HDAC9: variants seen among roughly 807,000 people sequenced by gnomAD.
HDAC9 encodes the protein MEF-2 interacting transcription repressor (MITR) protein.
In HDAC9, 41 loss-of-function variants were observed where a neutral mutation model predicts 139.4. The observed-to-expected ratio is 0.29, with a 90% CI of 0.23 to 0.38. The LOEUF (loss-of-function observed/expected upper bound fraction) is 0.38, where lower values mean the gene tolerates loss of function less well. HDAC9 is among the 10% of genes least tolerant of loss of function. The pLI, the probability that HDAC9 is intolerant of heterozygous loss-of-function variation, is 1.00. For synonymous variants in HDAC9, 517 were observed against 476.2 expected (o/e 1.09, Z -1.12); for missense variants, 1,147 against 1,297.0 (o/e 0.88, Z 1.78).
intron 23 of HDAC9, among the ~76,000 whole-genome samples, chr7:18,946,037 A>T (rs1198286275): frequency 5.6e-5 from 1 of 17,876 alleles, no homozygotes; most frequent in East Asian, 5.6e-4. Context: ...ACTCCGTCTC[A>T]AAAAAAAAAA....
intron 2 of HDAC9, among the ~76,000 whole-genome samples, chr7:18,564,478 A>G (rs1012396445): frequency 1.1e-4 from 16 of 152,278 alleles, no homozygotes; most frequent in African/African-American, 3.6e-4. Flanking sequence ...GGTTTTATCT[A>G]TTCTATTTGC....
At chr7:18,885,354 C>T (rs1450082503) in intron 22 of HDAC9, among the ~76,000 whole-genome samples, 3 of 152,176 alleles carry the variant, frequency 2.0e-5, no homozygotes, top group African/African-American at 7.2e-5. Context: ...TGAACGTTTT[C>T]CATGCACTAG....
intron 2 of HDAC9, among the ~76,000 whole-genome samples, chr7:18,497,754 G>C (rs560087967): frequency 2.0e-5 from 3 of 152,186 alleles, no homozygotes; most frequent in Non-Finnish European, 4.4e-5. Flanking sequence ...AACTATTTTA[G>C]AAATCTTTTC....
intron 22 of HDAC9, among the ~76,000 whole-genome samples, chr7:18,917,543 T>C (rs1255807986): frequency 6.6e-6 from 1 of 151,820 alleles, no homozygotes; most frequent in Non-Finnish European, 1.5e-5. Flanking sequence ...GGCAGCAGAG[T>C]TCCTCTTGAG....
chr7:18,569,038 A>C (rs1033247398), intron 2 of HDAC9, among the ~76,000 whole-genome samples: 1 of 151,774 alleles, frequency 6.6e-6, no homozygotes, highest in Non-Finnish European at 1.5e-5. Context: ...CAAGAGCAAA[A>C]TTCTGTCTCA....
intron 2 of HDAC9, among the ~76,000 whole-genome samples, chr7:18,211,227 G>T (rs1430609939): frequency 1.3e-5 from 2 of 152,088 alleles, no homozygotes; most frequent in Non-Finnish European, 2.9e-5. Context: ...CCATACCTTT[G>T]GGCTTGTATG....
chr7:18,577,848 T>A (rs1826483060), intron 2 of HDAC9, among the ~76,000 whole-genome samples: 2 of 152,032 alleles, frequency 1.3e-5, no homozygotes, highest in Non-Finnish European at 1.5e-5. Context: ...GTGGTAAAAT[T>A]TGTTGGGGCA....
intron 2 of HDAC9, among the ~76,000 whole-genome samples, chr7:18,238,468 C>G (rs1793971904): frequency 6.6e-6 from 1 of 152,144 alleles, no homozygotes; most frequent in Admixed American, 6.5e-5. Flanking sequence ...GGAGGTTCCT[C>G]CAGTATTTCC....
intron 24 of HDAC9, among the ~76,000 whole-genome samples, chr7:18,954,865 T>C (rs1440379377): frequency 6.6e-6 from 1 of 152,114 alleles, no homozygotes; most frequent in Non-Finnish European, 1.5e-5. Context: ...TACTGTCTTG[T>C]AGAAGCATTT....
chr7:18,942,578 C>T (rs999169947), intron 23 of HDAC9, among the ~76,000 whole-genome samples: 1 of 152,006 alleles, frequency 6.6e-6, no homozygotes, highest in Non-Finnish European at 1.5e-5. Context: ...ATGGCAGAAG[C>T]TTGTAGAAGA....
At chr7:18,857,377 A>G (rs931423744) in intron 21 of HDAC9, among the ~76,000 whole-genome samples, 3 of 120,190 alleles carry the variant, frequency 2.5e-5, no homozygotes, top group Non-Finnish European at 5.1e-5. Context: ...GTATGTATGT[A>G]CTAGTTCCTG....
intron 21 of HDAC9, among the ~76,000 whole-genome samples, chr7:18,864,215 C>A (rs2129237083): frequency 6.6e-6 from 1 of 152,232 alleles, no homozygotes; most frequent in South Asian, 2.1e-4. Flanking sequence ...ATGAAGGGAT[C>A]CTGCCATATG....
At chr7:18,517,962 C>A (rs559130511) in intron 2 of HDAC9, 9 of 152,200 alleles carry the variant, frequency 5.9e-5, no homozygotes, top group Non-Finnish European at 1.2e-4. Flanking sequence ...ATTTTCTATT[C>A]CCAGTTCTTT....
chr7:18,498,447 A>G (rs193220842), intron 2 of HDAC9, among the ~76,000 whole-genome samples: 36 of 152,244 alleles, frequency 2.4e-4, no homozygotes, highest in African/African-American at 8.7e-4. Flanking sequence ...CTGTAGGGCT[A>G]GGGAACAGAT....
At chr7:18,786,466 CTT>C (rs1791735470) in intron 16 of HDAC9, among the ~76,000 whole-genome samples, 1 of 25,448 alleles carries the variant, frequency 3.9e-5, no homozygotes, top group Non-Finnish European at 2.2e-4. Context: ...TCCTTCCTTC[CTT>C]TCGTCCTTCC....
chr7:18,167,369 T>C (rs1484063570), intron 2 of HDAC9, among the ~76,000 whole-genome samples: 1 of 152,184 alleles, frequency 6.6e-6, no homozygotes, highest in African/African-American at 2.4e-5. Flanking sequence ...ATAAACCTTT[T>C]CTGAAAATGT....
intron 12 of HDAC9, among the ~76,000 whole-genome samples, chr7:18,676,349 C>T (rs1201997907): frequency 6.6e-6 from 1 of 151,896 alleles, no homozygotes; most frequent in African/African-American, 2.4e-5. Context: ...TTCCCCCCTC[C>T]CCCACCTACT....
intron 16 of HDAC9, among the ~76,000 whole-genome samples, chr7:18,783,083 C>T (rs1475756439): frequency 4.6e-5 from 7 of 151,984 alleles, no homozygotes; most frequent in Non-Finnish European, 7.4e-5. Context: ...AACAATTTCT[C>T]GAAATCCTGG....
rs576740232 is a variant in HDAC9 at position 18,708,964 on chromosome 7, T to C, written c.1732-18616T>C. ...CACACACAATTCATACACACATGTATACATACATATATATATTCATACATA... is the reference window on the plus strand; with the variant it reads ...CACACACAATTCATACACACATGTACACATACATATATATATTCATACATA... On this transcript the variant is annotated intron_variant, in intron 12 of 25. Coordinates refer to ENST00000686413, the MANE Select transcript of HDAC9 (RefSeq NM_178425.4). Among the ~76,000 whole-genome samples the C allele has an allele frequency of 1.0e-3, 153 of 152,146 alleles. No homozygotes were observed. The Middle Eastern group carries it at 0.01, about 10-fold the overall frequency.
Sources: allele counts gnomAD v4.1 joint callset (sites outside exome capture counted in the v4.1 genomes callset), GRCh38; gene constraint gnomAD v4.1.1; transcripts MANE v1.5; gene names NCBI Gene and HGNC (gene_info 2026-07-23, HGNC 2026-07-21).